The following LGR4 variants were observed in gnomAD, a reference collection of about 807,000 sequenced individuals.
LGR4 encodes leucine-rich repeat-containing G protein-coupled receptor 4.
In LGR4, 44 loss-of-function variants were observed where a neutral mutation model predicts 84.8. That is an observed-to-expected ratio of 0.52 (90% CI 0.41 to 0.67). LGR4 has a LOEUF of 0.67. Among genes scored for constraint, LGR4 ranks in the 30% least tolerant of loss-of-function variants. The pLI is 0.00. For missense variants in LGR4, 1,032 were observed against 1,131.4 expected (o/e 0.91, Z 1.26); for synonymous variants, 429 against 434.3 (o/e 0.99, Z 0.15).
intron 2 of LGR4, among the ~76,000 whole-genome samples, chr11:27,395,342 G>A (rs1863369107): frequency 6.6e-6 from 1 of 151,124 alleles, no homozygotes; most frequent in Admixed American, 6.6e-5. Context: ...TCAGCCTATT[G>A]TGCTGGGCTC....
chr11:27,399,195 G>C (rs1424721097), intron 2 of LGR4, among the ~76,000 whole-genome samples: 1 of 152,112 alleles, frequency 6.6e-6, no homozygotes, highest in Non-Finnish European at 1.5e-5. Flanking sequence ...ACAGGTGTGA[G>C]TCTGAGTCAC....
intron 1 of LGR4, among the ~76,000 whole-genome samples, chr11:27,461,507 C>T (rs1003854390): frequency 2.7e-4 from 41 of 152,238 alleles, no homozygotes; most frequent in African/African-American, 8.2e-4. Context: ...GTAAATCTTA[C>T]CCATCTTCTA....
intron 4 of LGR4, among the ~76,000 whole-genome samples, chr11:27,387,526 A>G (rs1590353469): frequency 6.6e-6 from 1 of 152,102 alleles, no homozygotes; most frequent in Admixed American, 6.5e-5. Flanking sequence ...TAGGCAAAGG[A>G]AAGAGCCACG....
intron 1 of LGR4, among the ~76,000 whole-genome samples, chr11:27,416,837 C>T (rs1863828884): frequency 2.0e-5 from 3 of 152,180 alleles, no homozygotes; most frequent in Admixed American, 2.0e-4. Context: ...ACTGCCAAAT[C>T]TCTCCAGTGG....
At chr11:27,452,790 A>ATT (rs746624004) in intron 1 of LGR4, among the ~76,000 whole-genome samples, 4 of 136,684 alleles carry the variant, frequency 2.9e-5, no homozygotes, top group South Asian at 2.4e-4. Flanking sequence ...CGTCCGGCTA[A>ATT]TTTTTTTTTT....
At chr11:27,470,750 A>T (rs992032433) in intron 1 of LGR4, among the ~76,000 whole-genome samples, 3 of 151,946 alleles carry the variant, frequency 2.0e-5, no homozygotes, top group African/African-American at 7.3e-5. Flanking sequence ...AACTAAAACT[A>T]ACCTGAGACA....
chr11:27,396,391 G>A (rs1174648391), intron 2 of LGR4, among the ~76,000 whole-genome samples: 1 of 152,140 alleles, frequency 6.6e-6, no homozygotes, highest in Non-Finnish European at 1.5e-5. Context: ...CAGACCTACA[G>A]TGCCATCCTT....
rs1864887417 is a variant in LGR4 at position 27,472,101 on chromosome 11, C to T, written c.185+17G>A. The T allele has an allele frequency of 7.7e-7, 1 of 1,304,536 alleles. No homozygotes were observed. Among genetic ancestry groups the T allele is most frequent in the African/African-American group, 1.6e-5 (1 of 64,082 alleles). The allele number at this position is 1,304,536 out of a possible 1,614,324, so 80.8% of individuals were successfully genotyped here. On this transcript the variant is annotated intron_variant, in intron 1 of 17. Transcript: ENST00000379214. Reference sequence around the variant, plus strand: ...CGTTTCCTCCCCCCCCCTCGCGTCCCCGCCGCCCGCACTCACAGCGCTTGG... The same window carrying T: ...CGTTTCCTCCCCCCCCCTCGCGTCCTCGCCGCCCGCACTCACAGCGCTTGG...
chr11:27,412,145 A>T (rs2133397829), intron 2 of LGR4, among the ~76,000 whole-genome samples: 1 of 152,166 alleles, frequency 6.6e-6, no homozygotes, highest in East Asian at 1.9e-4. Flanking sequence ...TGGACTTCAA[A>T]AAAGTGTGGA....
chr11:27,387,042 G>A lies in LGR4; in HGVS notation c.402-1574C>T, dbSNP rs531071185. Among the ~76,000 whole-genome samples, 158 of 152,102 alleles carry A rather than the reference G, an allele frequency of 1.0e-3. 1 individual carries two copies. Among genetic ancestry groups the A allele is most frequent in the African/African-American group, 3.3e-3 (137 of 41,488 alleles). ...CAAACATGTGTGCACACACACATGC[G>A]CACACGCACACACACCCCTCATGGA... is the stretch of plus-strand genomic sequence containing the variant. On this transcript the variant is annotated intron_variant, in intron 4 of 17. Coordinates refer to ENST00000379214, the MANE Select transcript of LGR4 (RefSeq NM_018490.5).
At position 27,392,529 on chromosome 11, in the gene LGR4, A is replaced by G; in HGVS notation, c.258-11T>C. 2 of 1,556,872 alleles carry G rather than the reference A, an allele frequency of 1.3e-6. No homozygotes were observed. The highest frequency in any genetic ancestry group is 1.2e-5 in the South Asian group (1 of 81,346). ...TTGCCCGCCAATTGTCTAGAGAAAAAAAAAAAAAAAGTAGCAAGAAAAAAA... is the reference window on the plus strand; with the variant it reads ...TTGCCCGCCAATTGTCTAGAGAAAAGAAAAAAAAAAGTAGCAAGAAAAAAA... On this transcript the variant is annotated splice_polypyrimidine_tract_variant and intron_variant, in intron 2 of 17. Coordinates refer to ENST00000379214, the MANE Select transcript of LGR4 (RefSeq NM_018490.5).
At chr11:27,405,008 T>G (rs1863577640) in intron 2 of LGR4, among the ~76,000 whole-genome samples, 1 of 152,146 alleles carries the variant, frequency 6.6e-6, no homozygotes. Context: ...CTCAGCTGGG[T>G]TTCTGTCTCT....
chr11:27,373,752 C>A, intron 14 of LGR4, 76 bp from the exon 15 acceptor site: 1 of 1,327,382 alleles, frequency 7.5e-7, no homozygotes, highest in South Asian at 1.5e-5. Context: ...GTATTAACAT[C>A]ATAAATATTA....
In LGR4 at chr11:27,472,275, A is replaced by G. The variant is rs1288238177; in HGVS notation, c.28T>C (p.Phe10Leu). ...GAGCCGAGCAGCCCCAGGGCGAGGA[A>G]GCAGAGCAGCCCTAGCGGGCCCGGC... MPGPLGLLCFLALGLLGSAG... is the reference protein window; with the variant it reads MPGPLGLLCLLALGLLGSAG... The change falls in exon 1 of 18, where the codon TTC becomes CTC. Residue 10 changes from phenylalanine to leucine, a missense_variant. Physicochemically the swap from Phe to Leu is conservative, Grantham distance 22 (BLOSUM62 0). Transcript: ENST00000379214. 27 of 1,256,592 alleles carry G rather than the reference A, an allele frequency of 2.1e-5. No individual in the cohort carries two copies. Among genetic ancestry groups the G allele is most frequent in the Non-Finnish European group, 2.7e-5 (27 of 1,005,874 alleles). The allele number at this position is 1,256,592 out of a possible 1,614,324, so 77.8% of individuals were successfully genotyped here.
chr11:27,437,943 G>A (rs940519709), intron 1 of LGR4, among the ~76,000 whole-genome samples: 7 of 152,136 alleles, frequency 4.6e-5, no homozygotes, highest in Admixed American at 6.5e-5. Context: ...TTGAGCTTGC[G>A]AGGTTAAGAT....
At chr11:27,451,194 A>G (rs1278992869) in intron 1 of LGR4, among the ~76,000 whole-genome samples, 1 of 152,258 alleles carries the variant, frequency 6.6e-6, no homozygotes, top group Non-Finnish European at 1.5e-5. Flanking sequence ...TTAAATTTAA[A>G]GAGACCACCA....
chr11:27,439,811 TAA>T (rs1326682722), intron 1 of LGR4, among the ~76,000 whole-genome samples: 1 of 152,054 alleles, frequency 6.6e-6, no homozygotes, highest in Non-Finnish European at 1.5e-5. Context: ...GCGAATACTT[TAA>T]AAACTGGGAC....
rs141889096 is a variant in LGR4, at chr11:27,465,274, T to C, written c.185+6844A>G. On this transcript the variant is annotated intron_variant, in intron 1 of 17. Transcript: ENST00000379214. ...ACAGAAAGCTAAGAAGGATATATAT[T>C]TTAAATATTCATTTCAGGGACCTGG... Among the ~76,000 whole-genome samples the C allele has an allele frequency of 5.1e-3, 773 of 152,320 alleles. 6 individuals are homozygous for C. Among genetic ancestry groups the C allele is most frequent in the African/African-American group, 0.015 (611 of 41,568 alleles).
Position 27,367,042 on chromosome 11 carries a change from A to G in LGR4, c.*825T>C, listed in dbSNP as rs573445408. On this transcript the variant is annotated 3_prime_UTR_variant, in exon 18 of 18. Transcript: ENST00000379214. ...AAGTATTCATTAATGAGAACATTAC[A>G]TGAAGCCACCAAATCCCTCAGATAC... 1 of 152,336 alleles carries G rather than the reference A, an allele frequency of 6.6e-6. No homozygotes were observed. Among genetic ancestry groups the G allele is most frequent in the South Asian group, 2.1e-4 (1 of 4,830 alleles). 9.4% of individuals were successfully genotyped at this position (152,336 alleles called of 1,614,324 possible). A position where few individuals can be genotyped will look rare whatever the true frequency, so the allele number is the denominator to read the frequency against.
Sources: allele counts gnomAD v4.1 joint callset (sites outside exome capture counted in the v4.1 genomes callset), GRCh38; gene constraint gnomAD v4.1.1; transcripts MANE v1.5; gene names NCBI Gene and HGNC (gene_info 2026-07-23, HGNC 2026-07-21).